ENTPD2: variants seen among roughly 807,000 people sequenced by gnomAD.
ENTPD2 encodes ectonucleoside triphosphate diphosphohydrolase 2, also known as CD39 antigen-like 1.
Under a neutral mutation model 46.8 loss-of-function variants are expected in ENTPD2, and 48 were observed. The observed-to-expected ratio is 1.03, with a 90% CI of 0.81 to 1.30. The LOEUF (loss-of-function observed/expected upper bound fraction) is 1.30. ENTPD2 is among the 50% of genes most tolerant of loss of function. The pLI, the probability that ENTPD2 is intolerant of heterozygous loss-of-function variation, is 0.00. For synonymous variants in ENTPD2, 316 were observed against 286.1 expected (o/e 1.10, Z -1.06); for missense variants, 707 against 651.1 (o/e 1.09, Z -0.93).
chr9:137,050,627 C>A, intron 5 of ENTPD2, 89 bp from the exon 6 acceptor site: 7 of 1,518,152 alleles, frequency 4.6e-6, no homozygotes, highest in Middle Eastern at 4.0e-4. Flanking sequence ...ACTCTGGCAA[C>A]TTCACTTTTG....
At chr9:137,052,462 A>C in intron 1 of ENTPD2, 114 bp from the exon 2 acceptor site, 3 of 821,888 alleles carry the variant, frequency 3.7e-6, no homozygotes, top group East Asian at 2.7e-5. Flanking sequence ...CCACCCAGTC[A>C]TGTGCCAAGC....
chr9:137,049,627 G>C, intron 7 of ENTPD2: 1 of 510,988 alleles, frequency 2.0e-6, no homozygotes, highest in East Asian at 3.7e-5. Flanking sequence ...CCTGGGCACC[G>C]GCCTCCCCCT....
In ENTPD2 at chr9:137,048,509, T is replaced by G; in HGVS notation, c.*148A>C. 1.7e-6 allele frequency: 1 copy of G among 585,146 alleles called. No homozygotes were observed. 36.2% of individuals were successfully genotyped at this position (585,146 alleles called of 1,614,324 possible). Reference sequence around the variant, plus strand: ...AGAGGGTGGGTGGAGGAATGCAGGATACAGGGGCGGGGAGAGAGGTTGGGA... The same window carrying G: ...AGAGGGTGGGTGGAGGAATGCAGGAGACAGGGGCGGGGAGAGAGGTTGGGA... On this transcript the variant is annotated 3_prime_UTR_variant, in exon 9 of 9. Coordinates refer to ENST00000355097, the MANE Select transcript of ENTPD2 (RefSeq NM_203468.3).
intron 7 of ENTPD2, 34 bp downstream of exon 7, chr9:137,049,836 C>A: frequency 6.3e-7 from 1 of 1,588,328 alleles, no homozygotes; most frequent in South Asian, 1.1e-5. Flanking sequence ...TGAGCCCTTC[C>A]GCACAGCCCT....
At chr9:137,050,780 C>T in intron 5 of ENTPD2, 122 bp downstream of exon 5, 2 of 1,347,332 alleles carry the variant, frequency 1.5e-6, no homozygotes, top group Non-Finnish European at 2.0e-6. Context: ...CTCTGACCCT[C>T]CCACCTGTCT....
intron 7 of ENTPD2, 128 bp downstream of exon 7, chr9:137,049,741 CT>C: frequency 4.5e-6 from 5 of 1,119,306 alleles, no homozygotes; most frequent in Non-Finnish European, 6.3e-6. Context: ...TGGAGTCAGC[CT>C]AATGCCTGCC....
rs923633183 is a variant in ENTPD2, at chr9:137,052,110, T to C, written c.235+121A>G. ...GCACCAGCCTCTCTCTTTCCAGGGC[T>C]TCTGCCTGGAGTGAGCCCCACCCAA... On this transcript the variant is annotated intron_variant, in intron 2 of 8. Coordinates refer to ENST00000355097, the MANE Select transcript of ENTPD2 (RefSeq NM_203468.3). The C allele has an allele frequency of 1.5e-5, 13 of 860,372 alleles. No individual in the cohort carries two copies. In the Middle Eastern group the frequency reaches 9.5e-4, roughly 63 times the overall value. The allele number at this position is 860,372 out of a possible 1,614,324, so 53.3% of individuals were successfully genotyped here. A position where few individuals can be genotyped will look rare whatever the true frequency, so the allele number is the denominator to read the frequency against.
intron 7 of ENTPD2, chr9:137,049,620 G>C (rs117512602): frequency 0.033 from 16,610 of 501,336 alleles, 730 homozygotes; most frequent in South Asian, 0.15. Context: ...CCAGAAACCT[G>C]GGCACCGGCC....
In ENTPD2 at chr9:137,048,520, G is replaced by A; in HGVS notation, c.*137C>T. ...GGAGGAATGCAGGATACAGGGGCGG[G>A]GAGAGAGGTTGGGAGAGGGGTGGGT... On this transcript the variant is annotated 3_prime_UTR_variant, in exon 9 of 9. Transcript: ENST00000355097. The A allele has an allele frequency of 1.6e-6, 1 of 633,232 alleles. No homozygotes were observed. Among genetic ancestry groups the A allele is most frequent in the Non-Finnish European group, 2.7e-6 (1 of 376,560 alleles). The allele number at this position is 633,232 out of a possible 1,614,324, so 39.2% of individuals were successfully genotyped here.
In ENTPD2 at chr9:137,049,716, C is replaced by T. The variant is rs983868450; in HGVS notation, c.1149+154G>A. The T allele has an allele frequency of 5.7e-6, 5 of 882,530 alleles. No individual in the cohort carries two copies. In the African/African-American group the frequency reaches 6.9e-5, roughly 12 times the overall value. The allele number at this position is 882,530 out of a possible 1,614,324, so 54.7% of individuals were successfully genotyped here. On this transcript the variant is annotated intron_variant, in intron 7 of 8. Transcript: ENST00000355097. ...CGACTTGTTCACAGCCTACCGGCCA[C>T]AGCCACGCCACCTCTGGAGTCAGCC...
intron 5 of ENTPD2, 31 bp downstream of exon 5, chr9:137,050,871 G>A (rs1266392316): frequency 1.3e-6 from 2 of 1,599,940 alleles, no homozygotes; most frequent in African/African-American, 1.3e-5. Flanking sequence ...AGGGAACAGT[G>A]CAGTGCAGGT....
Position 137,050,374 on chromosome 9 carries a change from C to T in ENTPD2, c.939G>A (p.Leu313=). ...AGGAGAAGCTGAAGAGCCCAGAAAC[C>T]AGATCTCGGCAGAGGTGGGGGTCAC... ...GSSDPHLCRD[L]VSGLFSFSSC... The change falls in exon 6 of 9, where the codon CTG becomes CTA. Residue 313 remains leucine, a synonymous_variant. Coordinates refer to ENST00000355097, the MANE Select transcript of ENTPD2 (RefSeq NM_203468.3). The T allele has an allele frequency of 6.2e-7, 1 of 1,613,104 alleles. No individual in the cohort carries two copies. The highest frequency in any genetic ancestry group is 8.5e-7 in the Non-Finnish European group (1 of 1,179,994).
rs1201545628 is a variant in ENTPD2, at chr9:137,054,002, G to T, written c.-5C>A. Reference sequence around the variant, plus strand: ...TGACCGCACCTTCCCGGCCATGGGCGGGCGGGCGCGCGGGAGGACGATGCG... The same window carrying T: ...TGACCGCACCTTCCCGGCCATGGGCTGGCGGGCGCGCGGGAGGACGATGCG... On this transcript the variant is annotated 5_prime_UTR_variant, in exon 1 of 9. Transcript: ENST00000355097. The T allele has an allele frequency of 1.7e-6, 2 of 1,204,040 alleles. No individual in the cohort carries two copies. The highest frequency in any genetic ancestry group is 2.1e-6 in the Non-Finnish European group (2 of 967,608). The allele number at this position is 1,204,040 out of a possible 1,614,324, so 74.6% of individuals were successfully genotyped here.
At chr9:137,050,136 T>A in intron 6 of ENTPD2, 147 bp from the exon 7 acceptor site, 1 of 105,566 alleles carries the variant, frequency 9.5e-6, no homozygotes, top group Non-Finnish European at 1.5e-5. Context: ...CTATCCCTAC[T>A]CACGACAAAG....
chr9:137,048,561 CAGGGGTGGGAGGTACAGGGGTTGTGGG>C lies in ENTPD2; in HGVS notation c.*69_*95del. On this transcript the variant is annotated 3_prime_UTR_variant, in exon 9 of 9. Coordinates refer to ENST00000355097, the MANE Select transcript of ENTPD2 (RefSeq NM_203468.3). The stretch of plus-strand genomic sequence containing the variant: ...AGGGGTGGGTGGAGGGGTGGGGATA[CAGGGGTGGGAGGTACAGGGGTTGTGGG>C]AGGGGTGGGAGTACGGGGTGGGGAT... 1 of 921,928 alleles carries C rather than the reference CAGGGGTGGGAGGTACAGGGGTTGTGGG, an allele frequency of 1.1e-6. No individual in the cohort carries two copies. 57.1% of individuals were successfully genotyped at this position (921,928 alleles called of 1,614,324 possible).
At position 137,049,961 on chromosome 9, in the gene ENTPD2, T is replaced by G; in HGVS notation, c.1058A>C (p.Asp353Ala). 1 of 1,612,410 alleles carries G rather than the reference T, an allele frequency of 6.2e-7. No individual in the cohort carries two copies. The highest frequency in any genetic ancestry group is 8.5e-7 in the Non-Finnish European group (1 of 1,179,782). ...VAFSAFFYTV[D>A]FLRTSMGLPV... The stretch of plus-strand genomic sequence containing the variant: ...CAGCCCCATCGAAGTCCGCAAAAAG[T>G]CCACAGTGTAGAAGAAGGCAGAGAA... Residue 353 changes from aspartate to alanine, a missense_variant, in exon 7 of 9, where the codon GAC (aspartate) becomes GCC (alanine). Coordinates refer to ENST00000355097, the MANE Select transcript of ENTPD2 (RefSeq NM_203468.3).
chr9:137,051,577 C>T lies in ENTPD2; in HGVS notation c.319G>A (p.Val107Met). 2 of 1,612,812 alleles carry T rather than the reference C, an allele frequency of 1.2e-6. No homozygotes were observed. The highest frequency in any genetic ancestry group is 2.2e-5 in the East Asian group (1 of 44,876). ...VGCLEQALQD[V>M]PKERHAGTPL... ...GTGCCCGCGTGTCTCTCTTTGGGCA[C>T]ATCCTGAAGCGCCTGTTCGAGGCAT... is the stretch of plus-strand genomic sequence containing the variant. The change falls in exon 3 of 9, where the codon GTG (valine) becomes ATG (methionine). Residue 107 changes from valine to methionine, a missense_variant. Physicochemically the swap from Val to Met is conservative, Grantham distance 21. Transcript: ENST00000355097.
In ENTPD2 at chr9:137,050,450, T is replaced by A; in HGVS notation, c.863A>T (p.Gln288Leu). Residue 288 changes from glutamine to leucine, a missense_variant, in exon 6 of 9, where the codon CAG (glutamine) becomes CTG (leucine). By Grantham distance (113) the Gln-to-Leu change is moderately radical. Transcript: ENST00000355097. ...DVYQSPCTMA[Q>L]RPQNFNSSAR... ...ACTGCTGTTGAAGTTCTGGGGCCGC[T>A]GGGCCATGGTGCATGGTGACTGGTA... 1 of 1,612,924 alleles carries A rather than the reference T, an allele frequency of 6.2e-7. No homozygotes were observed. Among genetic ancestry groups the A allele is most frequent in the African/African-American group, 1.3e-5 (1 of 75,074 alleles).
chr9:137,049,826 TGAGCCCTTCCGCA>T (rs746059138), intron 7 of ENTPD2, 31 bp downstream of exon 7: 1 of 1,576,550 alleles, frequency 6.3e-7, no homozygotes, highest in East Asian at 2.3e-5. Flanking sequence ...AGGCGGAGGC[TGAGCCCTTCCGCA>T]CAGCCCTGAA....
Sources: allele counts gnomAD v4.1 joint callset, GRCh38; gene constraint gnomAD v4.1.1; transcripts MANE v1.5; gene names NCBI Gene and HGNC (gene_info 2026-07-23, HGNC 2026-07-21).